ZMYND15: variants seen among roughly 807,000 people sequenced by gnomAD.
ZMYND15 encodes the protein zinc finger MYND domain-containing protein 15.
A neutral mutation model predicts 81.7 loss-of-function variants in ZMYND15; 54 were observed. That is an observed-to-expected ratio of 0.66 (90% CI 0.53 to 0.83). The LOEUF is 0.83. ZMYND15 is among the 40% of genes least tolerant of loss of function. The probability of loss-of-function intolerance (pLI) is 0.00; values close to 1 mark genes in which losing one functional copy is unlikely to be tolerated. For missense variants in ZMYND15, 925 were observed against 973.5 expected (o/e 0.95, Z 0.66); for synonymous variants, 399 against 387.0 (o/e 1.03, Z -0.36).
Position 4,745,757 on chromosome 17 carries a change from G to GGGAGCCCCGACCCCTA in ZMYND15, c.2058-57_2058-56insCCCGACCCCTAGGAGC. 3 of 1,413,964 alleles carry GGGAGCCCCGACCCCTA rather than the reference G, an allele frequency of 2.1e-6. No individual in the cohort carries two copies. The highest frequency in any genetic ancestry group is 2.8e-6 in the Non-Finnish European group (3 of 1,053,048). 87.6% of individuals were successfully genotyped at this position (1,413,964 alleles called of 1,614,324 possible). ...CGCGCCCCTGGGAGCCCCGACCCCTGGGAGCGCCGACCCCTGGGAGTCCCG... is the reference window on the plus strand; with the variant it reads ...CGCGCCCCTGGGAGCCCCGACCCCTGGGAGCCCCGACCCCTAGGAGCGCCGACCCCTGGGAGTCCCG... On this transcript the variant is annotated intron_variant, in intron 13 of 13. Transcript: ENST00000433935. The surrounding 1 kb of genome is among the most constrained non-coding windows in gnomAD (Gnocchi z 5.2).
At position 4,741,922 on chromosome 17, in the gene ZMYND15, G is replaced by A; in HGVS notation, c.835G>A (p.Glu279Lys). ...CCCCCCAACTGCATTTAGAGAGCTGGAGAGCTTGGTCCCAAGGCTAGGTGT... is the reference window on the plus strand; with the variant it reads ...CCCCCCAACTGCATTTAGAGAGCTGAAGAGCTTGGTCCCAAGGCTAGGTGT... The part of the protein sequence containing the change: ...VGDARLHREL[E>K]SLVPRLGVKL... Residue 279 changes from glutamate (E) to lysine (K), a missense_variant, in exon 4 of 14, where the codon GAG (glutamate) becomes AAG (lysine). Transcript: ENST00000433935. The A allele has an allele frequency of 6.2e-7, 1 of 1,614,136 alleles. No homozygotes were observed. Among genetic ancestry groups the A allele is most frequent in the South Asian group, 1.1e-5 (1 of 91,064 alleles).
At position 4,744,937 on chromosome 17, in the gene ZMYND15, TG is replaced by T; in HGVS notation, c.1896+14del. On this transcript the variant is annotated intron_variant, in intron 12 of 13. Transcript: ENST00000433935. The surrounding 1 kb of genome is among the most constrained non-coding windows in gnomAD (Gnocchi z 4.1). ...CTCTGCCCCGGTTACAGGTGGGCAATGGGGGCAAAAGGGAACTTCTCTCCCC... is the reference window on the plus strand; with the variant it reads ...CTCTGCCCCGGTTACAGGTGGGCAATGGGGCAAAAGGGAACTTCTCTCCCC... 6.2e-7 allele frequency: 1 copy of T among 1,614,004 alleles called. No individual in the cohort carries two copies. The highest frequency in any genetic ancestry group is 1.1e-5 in the South Asian group (1 of 91,068).
In ZMYND15 at chr17:4,742,319, CTG is replaced by C; in HGVS notation, c.984-8_984-7del. On this transcript the variant is annotated splice_polypyrimidine_tract_variant and intron_variant, in intron 4 of 13. Coordinates refer to ENST00000433935, the MANE Select transcript of ZMYND15 (RefSeq NM_001136046.3). ...GTTAACACTAGGTGCCCACCACCCGCTGTGTCCCCAGCCCCCAGTGTAGTGCT... is the reference window on the plus strand; with the variant it reads ...GTTAACACTAGGTGCCCACCACCCGCTGTCCCCAGCCCCCAGTGTAGTGCT... 1.2e-6 allele frequency: 2 copies of C among 1,613,042 alleles called. No homozygotes were observed. Among genetic ancestry groups the C allele is most frequent in the Non-Finnish European group, 1.7e-6 (2 of 1,179,214 alleles).
Position 4,744,076 on chromosome 17 carries a change from C to G in ZMYND15, c.1464C>G (p.Tyr488Ter). Residue 488 changes from tyrosine (Y) to a stop codon, truncating the protein, a stop_gained, in exon 8 of 14, where the codon TAC becomes TAG. Transcript: ENST00000433935. LOFTEE classifies it high-confidence loss of function. The surrounding 1 kb of genome is among the most constrained non-coding windows in gnomAD (Gnocchi z 4.1). ...AVLLTYPLTV[Y>*]YVITHLVPQS... ...TTCTCACCTACCCGCTGACCGTGTA[C>G]TACGTCATCACCCACCTGGTGCCCC... 6.4e-7 allele frequency: 1 copy of G among 1,573,294 alleles called. No individual in the cohort carries two copies.
intron 1 of ZMYND15, 124 bp from the exon 2 acceptor site, chr17:4,740,395 T>C (rs1392219976): frequency 3.7e-6 from 5 of 1,357,584 alleles, no homozygotes; most frequent in Non-Finnish European, 4.8e-6. Context: ...TCTCCGCTCC[T>C]AGCATATCCA....
Position 4,743,543 on chromosome 17 carries a change from A to T in ZMYND15, c.1297+88A>T, listed in dbSNP as rs528629663. The T allele has an allele frequency of 5.1e-4, 790 of 1,552,726 alleles. No homozygotes were observed. Among genetic ancestry groups the T allele is most frequent in the Non-Finnish European group, 6.6e-4 (759 of 1,147,260 alleles). On this transcript the variant is annotated intron_variant, in intron 6 of 13. Transcript: ENST00000433935. This position sits in a 1 kb window ranked among gnomAD's most constrained non-coding sequence, Gnocchi z 4.3. ...TCTGGGTCCCAGATGATCCCTCCAC[A>T]TACACACTGACCCCTACCAACAGCA...
Position 4,745,693 on chromosome 17 carries a change from C to T in ZMYND15, c.2058-126C>T. ...GAGGGGCAAGCCCCGCCCCCTGGTC[C>T]CTGACCGCCCGGTGGAGCCCCGCCC... On this transcript the variant is annotated intron_variant, in intron 13 of 13. Transcript: ENST00000433935. The surrounding 1 kb of genome is among the most constrained non-coding windows in gnomAD (Gnocchi z 5.2). 1 of 649,436 alleles carries T rather than the reference C, an allele frequency of 1.5e-6. No homozygotes were observed. Among genetic ancestry groups the T allele is most frequent in the South Asian group, 2.0e-5 (1 of 50,034 alleles). 40.2% of individuals were successfully genotyped at this position (649,436 alleles called of 1,614,324 possible). A position where few individuals can be genotyped will look rare whatever the true frequency, so the allele number is the denominator to read the frequency against.
Position 4,744,909 on chromosome 17 carries a change from G to A in ZMYND15, c.1877G>A (p.Arg626Lys). The change falls in exon 12 of 14, where the codon AGG (arginine) becomes AAG (lysine). Residue 626 changes from arginine to lysine, a missense_variant. Physicochemically the swap from Arg to Lys is conservative, Grantham distance 26. Transcript: ENST00000433935. The surrounding 1 kb of genome is among the most constrained non-coding windows in gnomAD (Gnocchi z 4.1). ...SGFALKDTWL[R>K]SLPRLQSLRV... ...TTTGCTCTCAAGGATACGTGGCTGA[G>A]GTCTCTGCCCCGGTTACAGGTGGGC... 1.9e-6 allele frequency: 3 copies of A among 1,614,100 alleles called. No individual in the cohort carries two copies. The highest frequency in any genetic ancestry group is 1.7e-6 in the Non-Finnish European group (2 of 1,179,990).
At position 4,745,066 on chromosome 17, in the gene ZMYND15, C is replaced by T. The variant is rs1049436044; in HGVS notation, c.1896+138C>T. Reference sequence around the variant, plus strand: ...ACCTGGGGAGTGCCCACGGGTCCCCCTGCCTCTCTCTGTGTCTGTCTCCGT... The same window carrying T: ...ACCTGGGGAGTGCCCACGGGTCCCCTTGCCTCTCTCTGTGTCTGTCTCCGT... On this transcript the variant is annotated intron_variant, in intron 12 of 13. Transcript: ENST00000433935. This position sits in a 1 kb window ranked among gnomAD's most constrained non-coding sequence, Gnocchi z 5.2. 4 of 1,533,880 alleles carry T rather than the reference C, an allele frequency of 2.6e-6. No homozygotes were observed. Among genetic ancestry groups the T allele is most frequent in the African/African-American group, 2.7e-5 (2 of 73,238 alleles).
rs981147047 is a variant in ZMYND15, at chr17:4,746,113, A to G, written c.*123A>G. ...AGGTAAATAAAATTACTTGTTTGAA[A>G]CCACTGAGTCATGGATCTTTTGATT... On this transcript the variant is annotated 3_prime_UTR_variant, in exon 14 of 14. Coordinates refer to ENST00000433935, the MANE Select transcript of ZMYND15 (RefSeq NM_001136046.3). 8 of 1,042,850 alleles carry G rather than the reference A, an allele frequency of 7.7e-6. No homozygotes were observed. Among genetic ancestry groups the G allele is most frequent in the Non-Finnish European group, 1.0e-5 (8 of 772,940 alleles). The allele number at this position is 1,042,850 out of a possible 1,614,324, so 64.6% of individuals were successfully genotyped here. A position where few individuals can be genotyped will look rare whatever the true frequency, so the allele number is the denominator to read the frequency against.
chr17:4,740,153 A>G (rs1916320112), intron 1 of ZMYND15, 103 bp downstream of exon 1: 1 of 863,112 alleles, frequency 1.2e-6, no homozygotes, highest in African/African-American at 1.8e-5. Flanking sequence ...CCCATACCCC[A>G]CAGACGCATC....
rs754376043 is a variant in ZMYND15 at position 4,744,200 on chromosome 17, C to T, written c.1506C>T (p.Leu502=). 2.5e-6 allele frequency: 4 copies of T among 1,614,096 alleles called. No homozygotes were observed. Among genetic ancestry groups the T allele is most frequent in the Middle Eastern group, 1.6e-4 (1 of 6,062 alleles). The change falls in exon 9 of 14, where the codon CTC becomes CTT. Residue 502 remains leucine (L), a synonymous_variant. Transcript: ENST00000433935. The surrounding 1 kb of genome is among the most constrained non-coding windows in gnomAD (Gnocchi z 4.1). Reference sequence around the variant, plus strand: ...TGGTTTTTCACCCAGTCCCTGAGCTCAACATCCAAAACAAACAGTCACTGA... The same window carrying T: ...TGGTTTTTCACCCAGTCCCTGAGCTTAACATCCAAAACAAACAGTCACTGA... ...THLVPQSFPE[L]NIQNKQSLKI...
At position 4,743,802 on chromosome 17, in the gene ZMYND15, G is replaced by A; in HGVS notation, c.1333G>A (p.Ala445Thr). The change falls in exon 7 of 14, where the codon GCC becomes ACC. Residue 445 changes from alanine to threonine, a missense_variant. By Grantham distance (58) the Ala-to-Thr change is moderately conservative (BLOSUM62 0). Coordinates refer to ENST00000433935, the MANE Select transcript of ZMYND15 (RefSeq NM_001136046.3). The surrounding 1 kb of genome is among the most constrained non-coding windows in gnomAD (Gnocchi z 4.3). Reference protein sequence around the residue: ...PYQLLQGDGTALMPPVPPHPP... With the variant: ...PYQLLQGDGTTLMPPVPPHPP... ...CCAGCTTCTCCAGGGAGACGGGACTGCCCTGATGCCTCCTGTGCCCCCACA... is the reference window on the plus strand; with the variant it reads ...CCAGCTTCTCCAGGGAGACGGGACTACCCTGATGCCTCCTGTGCCCCCACA... The A allele has an allele frequency of 3.7e-6, 6 of 1,614,050 alleles. No homozygotes were observed. The highest frequency in any genetic ancestry group is 4.2e-6 in the Non-Finnish European group (5 of 1,179,990).
Position 4,745,094 on chromosome 17 carries a change from T to C in ZMYND15, c.1897-121T>C. On this transcript the variant is annotated intron_variant, in intron 12 of 13. Coordinates refer to ENST00000433935, the MANE Select transcript of ZMYND15 (RefSeq NM_001136046.3). This position sits in a 1 kb window ranked among gnomAD's most constrained non-coding sequence, Gnocchi z 5.2. The stretch of plus-strand genomic sequence containing the variant: ...CCTCTCTCTGTGTCTGTCTCCGTCC[T>C]CCCCCTGCTCCCCTCCGCCCGGTCT... 1.3e-6 allele frequency: 2 copies of C among 1,553,448 alleles called. No individual in the cohort carries two copies. The highest frequency in any genetic ancestry group is 1.8e-6 in the Non-Finnish European group (2 of 1,134,546).
chr17:4,741,468 A>T, intron 2 of ZMYND15, 114 bp from the exon 3 acceptor site: 2 of 1,162,770 alleles, frequency 1.7e-6, no homozygotes, highest in Non-Finnish European at 2.5e-6. Context: ...AGAGCCCTTT[A>T]CTCAGTGAGG....
chr17:4,745,790 G>T lies in ZMYND15; in HGVS notation c.2058-29G>T, dbSNP rs749210941. 1.3e-6 allele frequency: 2 copies of T among 1,571,414 alleles called. No homozygotes were observed. Among genetic ancestry groups the T allele is most frequent in the South Asian group, 1.2e-5 (1 of 86,888 alleles). On this transcript the variant is annotated intron_variant, in intron 13 of 13. Coordinates refer to ENST00000433935, the MANE Select transcript of ZMYND15 (RefSeq NM_001136046.3). The surrounding 1 kb of genome is among the most constrained non-coding windows in gnomAD (Gnocchi z 5.2). Reference sequence around the variant, plus strand: ...CGACCCCTGGGAGTCCCGCCCCGTGGTCCCTGACTGCGCCCCGCGCCCCCG... The same window carrying T: ...CGACCCCTGGGAGTCCCGCCCCGTGTTCCCTGACTGCGCCCCGCGCCCCCG...
chr17:4,744,844 A>G lies in ZMYND15; in HGVS notation c.1838-26A>G, dbSNP rs1368760729. The G allele has an allele frequency of 1.2e-6, 2 of 1,614,120 alleles. No individual in the cohort carries two copies. The highest frequency in any genetic ancestry group is 1.7e-5 in the Admixed American group (1 of 60,014). On this transcript the variant is annotated intron_variant, in intron 11 of 13. Transcript: ENST00000433935. The surrounding 1 kb of genome is among the most constrained non-coding windows in gnomAD (Gnocchi z 4.1). ...GGGAGAGAAGCCCACCGTGGGAGCC[A>G]GCTTCTCCCTCCTCTCTGTCTGCAG... is the stretch of plus-strand genomic sequence containing the variant.
rs1597503753 is a variant in ZMYND15 at position 4,741,726 on chromosome 17, C to A, written c.737C>A (p.Ala246Asp). The A allele has an allele frequency of 6.2e-7, 1 of 1,612,562 alleles. No homozygotes were observed. The highest frequency in any genetic ancestry group is 8.5e-7 in the Non-Finnish European group (1 of 1,179,150). The change falls in exon 3 of 14, where the codon GCT becomes GAT. Residue 246 changes from alanine (A) to aspartate (D), a missense_variant. Ala to Asp is a moderately radical substitution (Grantham distance 126). Coordinates refer to ENST00000433935, the MANE Select transcript of ZMYND15 (RefSeq NM_001136046.3). The stretch of plus-strand genomic sequence containing the variant: ...AAGGACCTGGCTCCTTGGGCCTATG[C>A]TCTCCTCTGTCACAGCATGGCCTGT... ...GTKDLAPWAY[A>D]LLCHSMACPM...
At position 4,744,643 on chromosome 17, in the gene ZMYND15, G is replaced by T. The variant is rs1462298121; in HGVS notation, c.1702G>T (p.Val568Phe). The T allele has an allele frequency of 6.2e-7, 1 of 1,612,758 alleles. No homozygotes were observed. The highest frequency in any genetic ancestry group is 1.3e-5 in the African/African-American group (1 of 74,870). Residue 568 changes from valine (V) to phenylalanine (F), a missense_variant, in exon 11 of 14, where the codon GTC (valine) becomes TTC (phenylalanine). Transcript: ENST00000433935. The surrounding 1 kb of genome is among the most constrained non-coding windows in gnomAD (Gnocchi z 4.1). ...CCCTCAGGACAGCCTGGAGGTGTCT[G>T]TCCGGCCTGGTTCCGGCATATCAGC... ...TLQRDSLEVS[V>F]RPGSGISARP...
Sources: gnomAD v4.1 joint callset for allele counts on GRCh38, gnomAD v4.1.1 for gene constraint, Gnocchi (gnomAD v3.1) non-coding constraint, MANE v1.5 for transcripts, NCBI Gene and HGNC (gene_info 2026-07-23, HGNC 2026-07-21) for gene names.